LOXL2: variants seen among roughly 807,000 people sequenced by gnomAD.
LOXL2 encodes the protein lysyl oxidase like 2.
Under a neutral mutation model 93.0 loss-of-function variants are expected in LOXL2, and 70 were observed. The ratio of observed to expected loss-of-function variants is 0.75; its 90% CI spans 0.62 to 0.92. LOXL2 has a LOEUF of 0.92. LOXL2 is among the 40% of genes least tolerant of loss of function. LOXL2 has a pLI of 0.00. For synonymous variants in LOXL2, 438 were observed against 413.2 expected (o/e 1.06, Z -0.73); for missense variants, 973 against 1,054.9 (o/e 0.92, Z 1.08).
chr8:23,360,341 C>T, intron 2 of LOXL2, 76 bp from the exon 3 acceptor site: 1 of 1,128,756 alleles, frequency 8.9e-7, no homozygotes, highest in Non-Finnish European at 1.3e-6. Context: ...ACCAGTGTCT[C>T]ACATGGAAAG....
At chr8:23,373,444 T>C (rs55997588) in intron 1 of LOXL2, among the ~76,000 whole-genome samples, 1 of 152,284 alleles carries the variant, frequency 6.6e-6, no homozygotes, top group Non-Finnish European at 1.5e-5. Flanking sequence ...CAAGAGATCC[T>C]CCTACTCAGC....
intron 1 of LOXL2, among the ~76,000 whole-genome samples, chr8:23,398,984 G>A (rs753134478): frequency 6.6e-6 from 1 of 152,220 alleles, no homozygotes; most frequent in Non-Finnish European, 1.5e-5. Context: ...GTGCATGTGT[G>A]GAATTACTCA....
At chr8:23,342,524 C>T (rs377461123) in intron 3 of LOXL2, among the ~76,000 whole-genome samples, 2,696 of 151,072 alleles carry the variant, frequency 0.018, 93 homozygotes, top group East Asian at 0.12. Context: ...CTCCGCCTCC[C>T]GGGTTCACGC....
At chr8:23,396,535 G>A (rs531068743) in intron 1 of LOXL2, among the ~76,000 whole-genome samples, 89 of 152,288 alleles carry the variant, frequency 5.8e-4, no homozygotes, top group Non-Finnish European at 5.0e-4. Flanking sequence ...AATGATCCTA[G>A]TGGTGATACC....
chr8:23,326,368 T>C (rs1348330361), intron 6 of LOXL2, among the ~76,000 whole-genome samples: 1 of 152,200 alleles, frequency 6.6e-6, no homozygotes, highest in East Asian at 1.9e-4. Context: ...AGGGCCTGTT[T>C]ATTCCTCAGA....
At chr8:23,379,528 C>A (rs1327042625) in intron 1 of LOXL2, among the ~76,000 whole-genome samples, 1 of 152,186 alleles carries the variant, frequency 6.6e-6, no homozygotes, top group Non-Finnish European at 1.5e-5. Context: ...TGCCCTGCCC[C>A]CAGAGGTGGA....
intron 3 of LOXL2, among the ~76,000 whole-genome samples, chr8:23,343,209 C>G (rs115499785): frequency 0.022 from 3,383 of 152,312 alleles, 106 homozygotes; most frequent in East Asian, 0.13. Context: ...CCACAAACAC[C>G]ATGAATTGCA....
intron 2 of LOXL2, chr8:23,365,085 G>C (rs1344006739): frequency 6.6e-6 from 1 of 152,234 alleles, no homozygotes; most frequent in African/African-American, 2.4e-5. Flanking sequence ...TGAGCTCAGA[G>C]ATGCTTTGGG....
At chr8:23,346,202 A>C (rs1248000910) in intron 3 of LOXL2, among the ~76,000 whole-genome samples, 9 of 77,354 alleles carry the variant, frequency 1.2e-4, no homozygotes, top group East Asian at 7.4e-4. Context: ...AAATAAAATA[A>C]AATAAATAAA....
chr8:23,379,873 A>G (rs1585379262), intron 1 of LOXL2, among the ~76,000 whole-genome samples: 1 of 151,614 alleles, frequency 6.6e-6, no homozygotes, highest in African/African-American at 2.4e-5. Context: ...AATTCCCTGA[A>G]CCCTTGCGCT....
At chr8:23,381,149 T>C (rs1199604542) in intron 1 of LOXL2, among the ~76,000 whole-genome samples, 1 of 152,064 alleles carries the variant, frequency 6.6e-6, no homozygotes, top group African/African-American at 2.4e-5. Flanking sequence ...TTTCTACGTA[T>C]TGCTTTGTAA....
intron 3 of LOXL2, among the ~76,000 whole-genome samples, chr8:23,342,667 A>G (rs1276729415): frequency 6.6e-6 from 1 of 152,088 alleles, no homozygotes; most frequent in Non-Finnish European, 1.5e-5. Flanking sequence ...TCCTGACCTC[A>G]TGATCAGCCC....
At chr8:23,327,269 T>C (rs1803594458) in intron 6 of LOXL2, among the ~76,000 whole-genome samples, 1 of 152,220 alleles carries the variant, frequency 6.6e-6, no homozygotes, top group African/African-American at 2.4e-5. Flanking sequence ...CTACGGTCTT[T>C]GACTCAGCTG....
In LOXL2 at chr8:23,320,958, A is replaced by G. The variant is rs1427037795; in HGVS notation, c.1303-906T>C. Among the ~76,000 whole-genome samples the G allele has an allele frequency of 2.6e-5, 4 of 152,276 alleles. No individual in the cohort carries two copies. In the East Asian group the frequency reaches 7.7e-4, roughly 29 times the overall value. On this transcript the variant is annotated intron_variant, in intron 7 of 13. Transcript: ENST00000389131. ...GGAAGGGTGGGCTTGGCCACATATC[A>G]TAGTTTCTTGGCTCCTGAATCTGCT...
Position 23,380,488 on chromosome 8 carries a change from C to T in LOXL2, c.-83-12054G>A, listed in dbSNP as rs529035159. On this transcript the variant is annotated intron_variant, in intron 1 of 13. Transcript: ENST00000389131. ...CTGGATTATCCAATCTGTGGGAATG[C>T]TTTAGTGTTCAACTCCTAAATCTTT... Among the ~76,000 whole-genome samples the T allele has an allele frequency of 2.7e-4, 41 of 151,724 alleles. No individual in the cohort carries two copies. The South Asian group carries it at 5.6e-3, about 21-fold the overall frequency.
At chr8:23,396,211 G>C (rs767301413) in intron 1 of LOXL2, among the ~76,000 whole-genome samples, 3 of 151,912 alleles carry the variant, frequency 2.0e-5, no homozygotes. Flanking sequence ...CCAGCTACTC[G>C]GGAGGCTGAG....
intron 1 of LOXL2, among the ~76,000 whole-genome samples, chr8:23,403,461 G>A (rs1177037124): frequency 6.6e-6 from 1 of 151,948 alleles, no homozygotes; most frequent in African/African-American, 2.4e-5. Context: ...AGCCCCCGGG[G>A]TCCCCGCCCC....
At chr8:23,380,879 G>A (rs1280783729) in intron 1 of LOXL2, among the ~76,000 whole-genome samples, 1 of 152,114 alleles carries the variant, frequency 6.6e-6, no homozygotes, top group African/African-American at 2.4e-5. Context: ...TGGGCATGGT[G>A]GCAAGCGCCT....
In LOXL2 at chr8:23,306,079, G is replaced by A. The variant is rs1803225165; in HGVS notation, c.1881-2682C>T. 1.3e-5 allele frequency among the ~76,000 whole-genome samples: 2 copies of A among 152,190 alleles called. 1 individual carries two copies. The highest frequency in any genetic ancestry group is 4.1e-4 in the South Asian group (2 of 4,836). On this transcript the variant is annotated intron_variant, in intron 10 of 13. Coordinates refer to ENST00000389131, the MANE Select transcript of LOXL2 (RefSeq NM_002318.3). ...ACTCGCCTCCGTCTCCCAAAGTGCT[G>A]TGATTACAGGTGTGAGCCACTGCGT...
Sources: gnomAD v4.1 joint callset for allele counts (sites outside exome capture counted in the v4.1 genomes callset) on GRCh38, gnomAD v4.1.1 for gene constraint, MANE v1.5 for transcripts, NCBI Gene and HGNC (gene_info 2026-07-23, HGNC 2026-07-21) for gene names.